Variants in PDE1A observed in about 807,000 individuals in gnomAD.
PDE1A encodes phosphodiesterase 1A, also known as dual specificity calcium/calmodulin-dependent 3',5'-cyclic nucleotide phosphodiesterase 1A.
Under a neutral mutation model 61.7 loss-of-function variants are expected in PDE1A, and 35 were observed. The observed-to-expected ratio is 0.57, with a 90% CI of 0.43 to 0.75. PDE1A has a LOEUF of 0.75. Among genes scored for constraint, PDE1A ranks in the 30% least tolerant of loss-of-function variants. The pLI is 0.00. For missense variants in PDE1A, 597 were observed against 630.6 expected (o/e 0.95, Z 0.57); for synonymous variants, 232 against 213.2 (o/e 1.09, Z -0.77).
chr2:182,260,298 A>G (rs6726543), intron 2 of PDE1A, among the ~76,000 whole-genome samples: 40,654 of 152,064 alleles, frequency 0.27, 5,598 homozygotes, highest in Middle Eastern at 0.36. Flanking sequence ...CTATCAAAAA[A>G]CATTTCAGAA....
At chr2:182,612,792 C>A in the PDE1A span, among the ~76,000 whole-genome samples, 2 of 152,090 alleles carry the variant, frequency 1.3e-5, no homozygotes, top group Non-Finnish European at 2.9e-5. Flanking sequence ...ATATTTAGAT[C>A]GAAATTAAAT....
chr2:182,466,629 T>C (rs1344768180), intron 2 of PDE1A, among the ~76,000 whole-genome samples: 2 of 152,120 alleles, frequency 1.3e-5, no homozygotes, highest in East Asian at 3.9e-4. Context: ...GAAGAGGATT[T>C]AGAATACTAG....
intron 2 of PDE1A, among the ~76,000 whole-genome samples, chr2:182,481,586 G>C (rs1040293398): frequency 6.6e-6 from 1 of 151,888 alleles, no homozygotes; most frequent in Non-Finnish European, 1.5e-5. Context: ...TTATAGGTTG[G>C]AAGTTTCTGT....
At chr2:182,317,091 T>C (rs1696385597) in intron 1 of PDE1A, among the ~76,000 whole-genome samples, 1 of 152,196 alleles carries the variant, frequency 6.6e-6, no homozygotes, top group African/African-American at 2.4e-5. Flanking sequence ...CAGTGCATCT[T>C]AATGCACACA....
At chr2:182,466,699 C>T (rs918987930) in intron 2 of PDE1A, among the ~76,000 whole-genome samples, 2 of 151,914 alleles carry the variant, frequency 1.3e-5, no homozygotes, top group African/African-American at 4.8e-5. Context: ...GGGTGTTACT[C>T]GTATTCATCA....
chr2:182,301,462 A>G (rs1369788433), intron 1 of PDE1A, among the ~76,000 whole-genome samples: 1 of 152,126 alleles, frequency 6.6e-6, no homozygotes, highest in Non-Finnish European at 1.5e-5. Context: ...TGTGCTTCCC[A>G]TGTTCCACTT....
intron 1 of PDE1A, among the ~76,000 whole-genome samples, chr2:182,423,666 T>A (rs2125593903): frequency 6.6e-6 from 1 of 152,322 alleles, no homozygotes; most frequent in South Asian, 2.1e-4. Flanking sequence ...TCTCCCAGGA[T>A]GTTATCACCT....
At chr2:182,679,449 C>G in the PDE1A span, among the ~76,000 whole-genome samples, 2 of 150,790 alleles carry the variant, frequency 1.3e-5, no homozygotes, top group Non-Finnish European at 2.9e-5. Context: ...GATCCACGCG[C>G]CTCAGCCTCC....
chr2:182,207,818 A>C (rs868767907), intron 7 of PDE1A, among the ~76,000 whole-genome samples: 12 of 152,342 alleles, frequency 7.9e-5, no homozygotes, highest in Middle Eastern at 3.4e-3. Context: ...TGCTCTGTGC[A>C]CGCATCCTGG....
intron 1 of PDE1A, among the ~76,000 whole-genome samples, chr2:182,364,492 A>C (rs1015598049): frequency 3.4e-5 from 5 of 145,048 alleles, no homozygotes; most frequent in East Asian, 2.3e-4. Context: ...AAAAAAAAAA[A>C]AAAAAAACCT....
the PDE1A span, among the ~76,000 whole-genome samples, chr2:182,668,317 A>T: frequency 1.3e-5 from 2 of 152,196 alleles, no homozygotes; most frequent in East Asian, 3.8e-4. Context: ...CACAACAGTG[A>T]CAAATGGTAG....
exon 9 of PDE1A, chr2:182,201,711 T>C (rs1359718716): frequency 3.1e-6 from 5 of 1,608,158 alleles, no homozygotes; most frequent in Non-Finnish European, 4.2e-6. Flanking sequence ...GCAAACTGTT[T>C]CTTATATTTT....
the PDE1A span, among the ~76,000 whole-genome samples, chr2:182,716,638 C>T: frequency 4.6e-5 from 7 of 152,316 alleles, no homozygotes; most frequent in Admixed American, 4.6e-4. Context: ...TTCCTCCTCC[C>T]TGTTATTCAC....
At chr2:182,651,743 C>T in the PDE1A span, among the ~76,000 whole-genome samples, 9 of 152,280 alleles carry the variant, frequency 5.9e-5, no homozygotes, top group East Asian at 1.4e-3. Context: ...AACTAATAAA[C>T]GCTTTTACAC....
At chr2:182,533,514 A>G in the PDE1A span, among the ~76,000 whole-genome samples, 2 of 152,140 alleles carry the variant, frequency 1.3e-5, no homozygotes, top group African/African-American at 4.8e-5. Flanking sequence ...GAAGTTTATG[A>G]TTACTGACAT....
chr2:182,358,903 T>C (rs1484703225), intron 1 of PDE1A, among the ~76,000 whole-genome samples: 1 of 152,090 alleles, frequency 6.6e-6, no homozygotes, highest in Admixed American at 6.6e-5. Context: ...CCTAGTTATT[T>C]AACTAATTTG....
At chr2:182,583,333 A>C in the PDE1A span, among the ~76,000 whole-genome samples, 13 of 152,238 alleles carry the variant, frequency 8.5e-5, no homozygotes, top group African/African-American at 3.1e-4. Flanking sequence ...ACCACTTAAA[A>C]TTATTATAAA....
chr2:182,532,869 C>G, the PDE1A span, among the ~76,000 whole-genome samples: 1 of 129,492 alleles, frequency 7.7e-6, no homozygotes, highest in Admixed American at 9.7e-5. Context: ...GGCGTGAACC[C>G]CGGGAGGCGG....
rs181187312 is a variant in PDE1A, at chr2:182,279,053, A to G, written c.54-14639T>C. Among the ~76,000 whole-genome samples the G allele has an allele frequency of 2.4e-4, 37 of 152,098 alleles. 1 individual carries two copies. The highest frequency in any genetic ancestry group is 2.9e-5 in the Non-Finnish European group (2 of 67,906). On this transcript the variant is annotated intron_variant, in intron 1 of 13. Coordinates refer to ENST00000351439, the Ensembl canonical transcript of PDE1A. ...AGACTCTTATAAATTATGTTCTTTT[A>G]AACAATAACCAAAATCCTAAACCAA... is the stretch of plus-strand genomic sequence containing the variant.
Sources: gnomAD v4.1 joint callset for allele counts (sites outside exome capture counted in the v4.1 genomes callset) on GRCh38, gnomAD v4.1.1 for gene constraint, MANE v1.5 for transcripts, NCBI Gene and HGNC (gene_info 2026-07-23, HGNC 2026-07-21) for gene names.